The following OPCML variants were observed in gnomAD, a reference collection of about 807,000 sequenced individuals.
The protein encoded by OPCML is opioid-binding protein/cell adhesion molecule.
A neutral mutation model predicts 37.8 loss-of-function variants in OPCML; 13 were observed. The ratio of observed to expected loss-of-function variants is 0.34; its 90% confidence interval spans 0.22 to 0.55. The LOEUF is 0.55. Among genes scored for constraint, OPCML ranks in the 20% least tolerant of loss-of-function variants. The probability of loss-of-function intolerance (pLI) is 0.91; values close to 1 mark genes in which losing one functional copy is unlikely to be tolerated. For synonymous variants in OPCML, 176 were observed against 168.8 expected (o/e 1.04, Z -0.33); for missense variants, 341 against 435.6 (o/e 0.78, Z 1.93).
chr11:133,314,566 A>G lies in OPCML; in HGVS notation c.61+217698T>C, dbSNP rs979201841. Among the ~76,000 whole-genome samples, 90 of 151,916 alleles carry G rather than the reference A, an allele frequency of 5.9e-4. 1 individual carries two copies. In the East Asian group the frequency reaches 0.016, roughly 27 times the overall value. ...CTGCCTTCCATAATAAGAAAAAAAA[A>G]AAAAAGAAAGAAAAGAAAAACACAG... On this transcript the variant is annotated intron_variant, in intron 1 of 7. Transcript: ENST00000524381.
intron 1 of OPCML, among the ~76,000 whole-genome samples, chr11:133,252,718 C>CT (rs948769806): frequency 9.9e-5 from 15 of 152,112 alleles, no homozygotes; most frequent in Admixed American, 1.3e-4. Context: ...GCCACTCGGG[C>CT]TTTTTTTTCT....
chr11:132,934,930 G>A (rs561980187), intron 2 of OPCML, among the ~76,000 whole-genome samples: 1 of 152,116 alleles, frequency 6.6e-6, no homozygotes, highest in South Asian at 2.1e-4. Context: ...ACCTGTGGTA[G>A]GGAGTTCGAG....
chr11:133,115,587 C>T (rs1949321747), intron 1 of OPCML, among the ~76,000 whole-genome samples: 1 of 152,146 alleles, frequency 6.6e-6, no homozygotes. Flanking sequence ...TCTTTCGTAT[C>T]ACTTTGGGAA....
intron 3 of OPCML, among the ~76,000 whole-genome samples, chr11:132,599,807 T>G (rs961486776): frequency 2.6e-5 from 4 of 152,236 alleles, no homozygotes; most frequent in African/African-American, 9.6e-5. Context: ...TATTTCATTC[T>G]TTTTATCTGC....
chr11:133,215,190 AAGAGAG>A (rs112597830), intron 1 of OPCML, among the ~76,000 whole-genome samples: 1 of 150,680 alleles, frequency 6.6e-6, no homozygotes, highest in African/African-American at 2.5e-5. Context: ...GTCACATTTT[AAGAGAG>A]AGAGAGAGAG....
intron 2 of OPCML, among the ~76,000 whole-genome samples, chr11:132,708,267 C>T (rs1181670816): frequency 6.6e-6 from 1 of 152,158 alleles, no homozygotes. Context: ...ACCTACAATC[C>T]TCACAATCAC....
intron 1 of OPCML, among the ~76,000 whole-genome samples, chr11:133,120,813 G>T (rs1319447247): frequency 6.6e-6 from 1 of 152,180 alleles, no homozygotes; most frequent in Non-Finnish European, 1.5e-5. Context: ...GGTGAGAGAT[G>T]ATCTGTTTTC....
intron 1 of OPCML, among the ~76,000 whole-genome samples, chr11:133,357,489 C>T (rs533880407): frequency 6.6e-6 from 1 of 152,240 alleles, no homozygotes; most frequent in Non-Finnish European, 1.5e-5. Context: ...CAACAGCTCA[C>T]ATGTGGGCTT....
intron 1 of OPCML, among the ~76,000 whole-genome samples, chr11:133,331,873 TA>T (rs1396844727): frequency 6.6e-6 from 1 of 152,064 alleles, no homozygotes; most frequent in East Asian, 1.9e-4. Flanking sequence ...CTTTTTCCAT[TA>T]AAAAAATTTC....
intron 1 of OPCML, among the ~76,000 whole-genome samples, chr11:133,335,218 C>T (rs1943717840): frequency 6.6e-6 from 1 of 152,140 alleles, no homozygotes; most frequent in African/African-American, 2.4e-5. Flanking sequence ...GGCAAGGCTG[C>T]CGTTCTTACT....
chr11:133,102,166 C>A (rs1460131441), intron 1 of OPCML, among the ~76,000 whole-genome samples: 1 of 152,080 alleles, frequency 6.6e-6, no homozygotes, highest in East Asian at 1.9e-4. Flanking sequence ...ATAGAATATA[C>A]AACATCAAAA....
Position 132,650,544 on chromosome 11 carries a change from C to T in OPCML, c.379+6543G>A, listed in dbSNP as rs551515787. ...ATATACAGAATTTGCAGCTTAGAGA[C>T]CCCTTCTCAGAATCTTATTTCCAAT... On this transcript the variant is annotated intron_variant, in intron 3 of 7. Coordinates refer to ENST00000524381, the MANE Select transcript of OPCML (RefSeq NM_001012393.5). Among the ~76,000 whole-genome samples the T allele has an allele frequency of 7.9e-5, 12 of 152,110 alleles. No individual in the cohort carries two copies. The South Asian group carries it at 2.5e-3, about 32-fold the overall frequency.
intron 1 of OPCML, among the ~76,000 whole-genome samples, chr11:133,227,104 C>G (rs1476999771): frequency 6.6e-6 from 1 of 152,144 alleles, no homozygotes; most frequent in Non-Finnish European, 1.5e-5. Flanking sequence ...TCCTCACCAG[C>G]CTTCGCCCCT....
chr11:133,269,392 G>A (rs1941754913), intron 1 of OPCML, among the ~76,000 whole-genome samples: 1 of 152,146 alleles, frequency 6.6e-6, no homozygotes, highest in Non-Finnish European at 1.5e-5. Context: ...AGAGCCACAA[G>A]GTGCTTCTTT....
At chr11:133,385,352 G>A (rs1945022453) in intron 1 of OPCML, among the ~76,000 whole-genome samples, 1 of 152,212 alleles carries the variant, frequency 6.6e-6, no homozygotes, top group Admixed American at 6.5e-5. Context: ...GAGATAGTAA[G>A]TGTTTGCTGT....
At chr11:133,489,680 C>A (rs189709468) in intron 1 of OPCML, among the ~76,000 whole-genome samples, 17 of 152,210 alleles carry the variant, frequency 1.1e-4, no homozygotes, top group Non-Finnish European at 2.1e-4. Context: ...AACCCCACTA[C>A]TGGCTATCTA....
chr11:133,380,806 G>T (rs1461184147), intron 1 of OPCML, among the ~76,000 whole-genome samples: 1 of 152,098 alleles, frequency 6.6e-6, no homozygotes, highest in African/African-American at 2.4e-5. Context: ...GATCTTGTAG[G>T]TGTGCTTTCT....
At chr11:132,929,467 A>C (rs1945118240) in intron 2 of OPCML, among the ~76,000 whole-genome samples, 1 of 152,176 alleles carries the variant, frequency 6.6e-6, no homozygotes, top group South Asian at 2.1e-4. Context: ...GAATTTTATC[A>C]AACATTTATA....
intron 1 of OPCML, chr11:133,067,936 G>A (rs1400263799): frequency 6.6e-6 from 1 of 152,120 alleles, no homozygotes; most frequent in African/African-American, 2.4e-5. Context: ...GAGGTCTGAA[G>A]GATGGTTATC....
Sources: allele counts gnomAD v4.1 joint callset (sites outside exome capture counted in the v4.1 genomes callset), GRCh38; gene constraint gnomAD v4.1.1; transcripts MANE v1.5; gene names NCBI Gene and HGNC (gene_info 2026-07-23, HGNC 2026-07-21).